The following C1QTNF3 variants were observed in gnomAD, a reference collection of about 807,000 sequenced individuals.
The protein encoded by C1QTNF3 is C1q and TNF related 3, also known as complement C1q tumor necrosis factor-related protein 3.
Under a neutral mutation model 32.6 loss-of-function variants are expected in C1QTNF3, and 26 were observed. The observed-to-expected ratio is 0.80, with a 90% CI of 0.58 to 1.11. The LOEUF is 1.11. C1QTNF3 is among the 50% of genes least tolerant of loss of function. C1QTNF3 has a pLI of 0.00. For missense variants in C1QTNF3, 362 were observed against 398.2 expected (o/e 0.91, Z 0.77); for synonymous variants, 155 against 146.0 (o/e 1.06, Z -0.44).
the C1QTNF3 span, among the ~76,000 whole-genome samples, chr5:34,104,897 T>C: frequency 2.0e-5 from 3 of 152,040 alleles, no homozygotes; most frequent in African/African-American, 7.2e-5. Flanking sequence ...AGATCCACAA[T>C]GGCAGGTATA....
chr5:34,075,489 G>A, the C1QTNF3 span, among the ~76,000 whole-genome samples: 1 of 151,584 alleles, frequency 6.6e-6, no homozygotes, highest in South Asian at 2.1e-4. Context: ...GATATATTAA[G>A]CATTATTTAA....
chr5:34,073,110 G>A, the C1QTNF3 span, among the ~76,000 whole-genome samples: 1 of 152,110 alleles, frequency 6.6e-6, no homozygotes, highest in Non-Finnish European at 1.5e-5. Flanking sequence ...GGTGGATCAC[G>A]AAGTCAGGAG....
chr5:34,055,364 C>A, the C1QTNF3 span, among the ~76,000 whole-genome samples: 13 of 152,210 alleles, frequency 8.5e-5, no homozygotes, highest in African/African-American at 3.1e-4. Flanking sequence ...TTGAATCCCA[C>A]TACTGTCACA....
chr5:34,175,153 C>T, the C1QTNF3 span, among the ~76,000 whole-genome samples: 1 of 151,828 alleles, frequency 6.6e-6, no homozygotes, highest in Non-Finnish European at 1.5e-5. Context: ...AGGCTATCCG[C>T]CTGCCTCAGC....
the C1QTNF3 span, among the ~76,000 whole-genome samples, chr5:34,121,299 A>G: frequency 1.3e-5 from 2 of 152,168 alleles, no homozygotes; most frequent in African/African-American, 4.8e-5. Flanking sequence ...TTAACAAATA[A>G]CTCATCATAT....
the C1QTNF3 span, among the ~76,000 whole-genome samples, chr5:34,135,432 A>G: frequency 6.6e-6 from 1 of 152,144 alleles, no homozygotes; most frequent in Non-Finnish European, 1.5e-5. Flanking sequence ...GGTTGGCCTC[A>G]TAAAATGAGC....
chr5:34,221,080 T>C, the C1QTNF3 span, among the ~76,000 whole-genome samples: 2 of 152,118 alleles, frequency 1.3e-5, no homozygotes, highest in South Asian at 2.1e-4. Context: ...AAGAGCGATC[T>C]GTGTCCATAG....
the C1QTNF3 span, among the ~76,000 whole-genome samples, chr5:34,056,799 C>T: frequency 2.0e-4 from 30 of 152,158 alleles, no homozygotes; most frequent in South Asian, 4.6e-3. Flanking sequence ...GTGTGAGTCT[C>T]GCACCCGGCC....
At chr5:34,203,265 A>G in the C1QTNF3 span, among the ~76,000 whole-genome samples, 1 of 152,238 alleles carries the variant, frequency 6.6e-6, no homozygotes, top group Non-Finnish European at 1.5e-5. Flanking sequence ...AAAAACAACA[A>G]CAAAATAACC....
chr5:34,110,201 A>G, the C1QTNF3 span, among the ~76,000 whole-genome samples: 1 of 152,116 alleles, frequency 6.6e-6, no homozygotes, highest in Non-Finnish European at 1.5e-5. Flanking sequence ...GAAAAGATAG[A>G]GCAAAGGGCA....
At chr5:34,156,764 T>C in the C1QTNF3 span, among the ~76,000 whole-genome samples, 1,982 of 152,254 alleles carry the variant, frequency 0.013, 50 homozygotes, top group African/African-American at 0.046. Flanking sequence ...TAAAACTCAT[T>C]GTGGAAGAAA....
chr5:34,157,865 G>A, the C1QTNF3 span, among the ~76,000 whole-genome samples: 13 of 152,162 alleles, frequency 8.5e-5, no homozygotes, highest in East Asian at 5.8e-4. Flanking sequence ...AACTTTTCTC[G>A]TTGTAAGCTG....
At chr5:34,104,009 C>T in the C1QTNF3 span, among the ~76,000 whole-genome samples, 2 of 146,112 alleles carry the variant, frequency 1.4e-5, no homozygotes, top group South Asian at 4.5e-4. Context: ...ATCACTTACT[C>T]CCAATATGAT....
At chr5:34,026,721 C>T (rs1283278471) in intron 4 of C1QTNF3, among the ~76,000 whole-genome samples, 1 of 152,060 alleles carries the variant, frequency 6.6e-6, no homozygotes, top group African/African-American at 2.4e-5. Context: ...GAAACTAGAG[C>T]ATACGGCTGG....
chr5:34,203,547 G>T, the C1QTNF3 span, among the ~76,000 whole-genome samples: 3 of 151,436 alleles, frequency 2.0e-5, no homozygotes, highest in Non-Finnish European at 4.4e-5. Flanking sequence ...TTAGCCAGGC[G>T]TGGTGGCCGG....
chr5:34,039,680 G>A (rs1341556619), intron 1 of C1QTNF3, among the ~76,000 whole-genome samples: 3 of 152,180 alleles, frequency 2.0e-5, no homozygotes, highest in African/African-American at 7.2e-5. Context: ...TTAATTTTCA[G>A]AGAATCTTCA....
chr5:34,056,525 G>GAA, the C1QTNF3 span, among the ~76,000 whole-genome samples: 4 of 124,498 alleles, frequency 3.2e-5, no homozygotes, highest in African/African-American at 6.0e-5. Flanking sequence ...GAGAGAGAGA[G>GAA]AGAAAGAGAT....
the C1QTNF3 span, among the ~76,000 whole-genome samples, chr5:34,127,593 T>C: frequency 1.3e-5 from 2 of 150,122 alleles, no homozygotes; most frequent in Non-Finnish European, 3.0e-5. Context: ...TTTTCCTTTT[T>C]TTTTTTTTTT....
chr5:34,058,116 A>G, the C1QTNF3 span, among the ~76,000 whole-genome samples: 1 of 152,184 alleles, frequency 6.6e-6, no homozygotes, highest in African/African-American at 2.4e-5. Flanking sequence ...CAGCACGAAG[A>G]ACAGCAGCAA....
Sources: allele counts gnomAD v4.1 joint callset (sites outside exome capture counted in the v4.1 genomes callset), GRCh38; gene constraint gnomAD v4.1.1; transcripts MANE v1.5; gene names NCBI Gene and HGNC (gene_info 2026-07-23, HGNC 2026-07-21).